AKR1C3: variants seen among roughly 807,000 people sequenced by gnomAD.
The protein encoded by AKR1C3 is aldo-keto reductase family 1 member C3.
AKR1C3 carries 48 observed loss-of-function variants against 43.6 expected under a neutral mutation model. The observed-to-expected ratio is 1.10, with a 90% confidence interval of 0.87 to 1.40. The LOEUF (loss-of-function observed/expected upper bound fraction) is 1.40. Ranked by LOEUF, AKR1C3 falls within the 40% of genes most tolerant of loss-of-function variation. AKR1C3 has a pLI of 0.00. For synonymous variants in AKR1C3, 162 were observed against 139.6 expected (o/e 1.16, Z -1.13); for missense variants, 482 against 391.2 (o/e 1.23, Z -1.96).
chr10:5,059,600 G>A (rs1838336559), intron 1 of AKR1C3, among the ~76,000 whole-genome samples: 1 of 152,204 alleles, frequency 6.6e-6, no homozygotes, highest in Non-Finnish European at 1.5e-5. Flanking sequence ...CAGAAAGCCT[G>A]ACACCCGTGT....
In AKR1C3 at chr10:5,097,450, A is replaced by ATCGACCAGAGTTGGT. The variant is rs1839233269; in HGVS notation, c.270_284dup (p.Glu93_Pro97dup). 3 of 1,613,676 alleles carry ATCGACCAGAGTTGGT rather than the reference A, an allele frequency of 1.9e-6. No homozygotes were observed. The East Asian group carries it at 6.7e-5, about 36-fold the overall frequency. On this transcript the variant is annotated inframe_insertion, in exon 3 of 9. Transcript: ENST00000380554. ...CCTCTGCAGCTTTGGTCCACTTTTC[A>ATCGACCAGAGTTGGT]TCGACCAGAGTTGGTCCGACCAGCC...
intron 1 of AKR1C3, among the ~76,000 whole-genome samples, chr10:5,095,616 TA>T (rs1489813002): frequency 1.3e-5 from 2 of 152,156 alleles, no homozygotes; most frequent in Non-Finnish European, 2.9e-5. Context: ...TTTTTGTCAT[TA>T]AAAAATACCT....
intron 1 of AKR1C3, among the ~76,000 whole-genome samples, chr10:5,064,417 A>T (rs1366528253): frequency 6.6e-6 from 1 of 152,206 alleles, no homozygotes; most frequent in Non-Finnish European, 1.5e-5. Flanking sequence ...TAAGCCTAAA[A>T]CTATGAAAAA....
intron 1 of AKR1C3, among the ~76,000 whole-genome samples, chr10:5,056,459 G>A (rs917359873): frequency 1.3e-5 from 2 of 152,188 alleles, no homozygotes; most frequent in Admixed American, 6.5e-5. Context: ...CTGACCATTC[G>A]GTTTTTGTAC....
Position 5,102,144 on chromosome 10 carries a change from T to C in AKR1C3, c.614T>C (p.Phe205Ser). The stretch of plus-strand genomic sequence containing the variant: ...TTCAACCGGAGTAAATTGCTAGATT[T>C]CTGCAAGTCGAAAGATATTGTTCTG... Reference protein sequence around the residue: ...PYFNRSKLLDFCKSKDIVLVA... With the variant: ...PYFNRSKLLDSCKSKDIVLVA... Residue 205 changes from phenylalanine to serine, a missense_variant, in exon 6 of 9, where the codon TTC (phenylalanine) becomes TCC (serine). Physicochemically the swap from Phe to Ser is radical, Grantham distance 155 (BLOSUM62 -2). Transcript: ENST00000380554. 2.5e-6 allele frequency: 4 copies of C among 1,614,136 alleles called. No individual in the cohort carries two copies. Among genetic ancestry groups the C allele is most frequent in the Non-Finnish European group, 3.4e-6 (4 of 1,179,998 alleles).
chr10:5,080,817 T>C (rs1838821431), intron 1 of AKR1C3: 1 of 152,234 alleles, frequency 6.6e-6, no homozygotes, highest in Admixed American at 6.5e-5. Context: ...TTGTGCTCAC[T>C]GTGTAGTAAC....
chr10:5,078,973 C>T (rs1160645146), intron 1 of AKR1C3, among the ~76,000 whole-genome samples: 4 of 152,094 alleles, frequency 2.6e-5, no homozygotes, highest in South Asian at 2.1e-4. Context: ...AAAGGTGTCT[C>T]GATAGTGTTA....
At chr10:5,101,661 A>T (rs573842943) in intron 5 of AKR1C3, among the ~76,000 whole-genome samples, 2 of 152,190 alleles carry the variant, frequency 1.3e-5, no homozygotes, top group South Asian at 4.1e-4. Flanking sequence ...CAATGGGTAG[A>T]TTTTTTTCTT....
chr10:5,096,229 T>TCTCA, intron 1 of AKR1C3, 181 bp from the exon 2 acceptor site: 3 of 618,158 alleles, frequency 4.9e-6, no homozygotes, highest in Non-Finnish European at 8.1e-6. Context: ...AGACTGAAGG[T>TCTCA]GTTTCTGGGA....
intron 1 of AKR1C3, among the ~76,000 whole-genome samples, chr10:5,075,530 T>C (rs574866163): frequency 6.6e-6 from 1 of 152,206 alleles, no homozygotes; most frequent in Non-Finnish European, 1.5e-5. Context: ...TAGACACTTA[T>C]TCTCAATCAG....
intron 1 of AKR1C3, among the ~76,000 whole-genome samples, chr10:5,072,499 C>CA (rs1411001471): frequency 1.3e-5 from 2 of 152,078 alleles, no homozygotes; most frequent in African/African-American, 4.8e-5. Context: ...TTATGCATGT[C>CA]AGTTTTTTGA....
chr10:5,062,990 T>C (rs1176457511), intron 1 of AKR1C3, among the ~76,000 whole-genome samples: 1 of 152,178 alleles, frequency 6.6e-6, no homozygotes, highest in African/African-American at 2.4e-5. Context: ...TTTTTTTCTC[T>C]ACAAGAAATG....
At chr10:5,097,826 G>T (rs1420931824) in intron 3 of AKR1C3, 1 of 1,179,498 alleles carries the variant, frequency 8.5e-7, no homozygotes, top group African/African-American at 1.6e-5. Flanking sequence ...TGTCTTAGTT[G>T]TGGCTTTTGA....
chr10:5,084,602 A>T (rs1422723052), intron 1 of AKR1C3, among the ~76,000 whole-genome samples: 1 of 152,150 alleles, frequency 6.6e-6, no homozygotes, highest in Non-Finnish European at 1.5e-5. Context: ...AGTTTTTTCC[A>T]ATTCTGTGAA....
intron 3 of AKR1C3, chr10:5,098,281 A>G: frequency 1.0e-5 from 8 of 779,980 alleles, no homozygotes; most frequent in Non-Finnish European, 1.1e-5. Context: ...TGTTGACCCA[A>G]ACTTTTTCAT....
chr10:5,106,476 C>A (rs587721341), intron 8 of AKR1C3, among the ~76,000 whole-genome samples: 1 of 152,110 alleles, frequency 6.6e-6, no homozygotes, highest in Non-Finnish European at 1.5e-5. Context: ...TATGGCCGGG[C>A]GCAGTGGCTC....
At chr10:5,102,285 C>T (rs1020005747) in intron 6 of AKR1C3, 75 bp downstream of exon 6, 3 of 1,575,424 alleles carry the variant, frequency 1.9e-6, no homozygotes, top group Middle Eastern at 1.7e-4. Flanking sequence ...TCCTCAGTTT[C>T]CTGTAGTTAA....
intron 1 of AKR1C3, among the ~76,000 whole-genome samples, chr10:5,049,393 G>A (rs1162534862): frequency 6.6e-6 from 1 of 152,106 alleles, no homozygotes; most frequent in African/African-American, 2.4e-5. Context: ...GGTAATACTG[G>A]ACCTGGACTA....
chr10:5,105,311 C>T, intron 7 of AKR1C3: 1 of 92,724 alleles, frequency 1.1e-5, no homozygotes, highest in Non-Finnish European at 1.9e-5. Context: ...CAATGTGACC[C>T]TATCATGTGG....
Sources: allele counts gnomAD v4.1 joint callset (sites outside exome capture counted in the v4.1 genomes callset), GRCh38; gene constraint gnomAD v4.1.1; transcripts MANE v1.5; gene names NCBI Gene and HGNC (gene_info 2026-07-23, HGNC 2026-07-21).